The following GYPC variants were observed in gnomAD, a reference collection of about 807,000 sequenced individuals.
GYPC encodes the protein glycophorin-C.
A neutral mutation model predicts 12.6 loss-of-function variants in GYPC; 14 were observed. The observed-to-expected ratio is 1.11, with a 90% confidence interval of 0.74 to 1.74. GYPC has a LOEUF of 1.74. GYPC is among the 40% of genes most tolerant of loss of function. The pLI, the probability that GYPC is intolerant of heterozygous loss-of-function variation, is 0.00. For missense variants in GYPC, 225 were observed against 172.1 expected (o/e 1.31, Z -1.72); for synonymous variants, 78 against 62.1 (o/e 1.26, Z -1.20).
intron 1 of GYPC, among the ~76,000 whole-genome samples, chr2:126,680,679 A>G (rs1683127572): frequency 6.6e-6 from 1 of 152,240 alleles, no homozygotes; most frequent in African/African-American, 2.4e-5. Flanking sequence ...CACATTTCTC[A>G]GTGTGCAATT....
At position 126,659,314 on chromosome 2, in the gene GYPC, C is replaced by T. The variant is rs372321455; in HGVS notation, c.49+3002C>T. Among the ~76,000 whole-genome samples, 100 of 152,276 alleles carry T rather than the reference C, an allele frequency of 6.6e-4. 3 individuals are homozygous for T. The South Asian group carries it at 0.021, about 31-fold the overall frequency. On this transcript the variant is annotated intron_variant, in intron 1 of 3. Transcript: ENST00000259254. ...TCAGCACCCCACCCCCGTGAGGAAA[C>T]GTGCCCCAGAAGTGAAAGGACATGT...
intron 1 of GYPC, among the ~76,000 whole-genome samples, chr2:126,667,987 C>A (rs1176740654): frequency 2.0e-5 from 3 of 152,150 alleles, no homozygotes; most frequent in Non-Finnish European, 2.9e-5. Context: ...CAGAATAAGT[C>A]AAAAAGCTGA....
chr2:126,661,557 A>G (rs892168164), intron 1 of GYPC, among the ~76,000 whole-genome samples: 2 of 151,438 alleles, frequency 1.3e-5, no homozygotes, highest in Non-Finnish European at 2.9e-5. Flanking sequence ...GGTTCATGCA[A>G]TTCTCCTGCC....
chr2:126,660,983 C>T (rs530261977), intron 1 of GYPC, among the ~76,000 whole-genome samples: 3 of 152,210 alleles, frequency 2.0e-5, no homozygotes, highest in African/African-American at 7.2e-5. Context: ...ATAATCGGAA[C>T]TTCTGACAGA....
intron 1 of GYPC, chr2:126,686,594 G>T: frequency 1.0e-6 from 1 of 980,358 alleles, no homozygotes; most frequent in Non-Finnish European, 1.2e-6. Flanking sequence ...GTCTAATGCT[G>T]AGTATAGAGT....
intron 1 of GYPC, among the ~76,000 whole-genome samples, chr2:126,677,496 T>TGG (rs1683032298): frequency 6.9e-6 from 1 of 145,918 alleles, no homozygotes; most frequent in Non-Finnish European, 1.5e-5. Context: ...AGTCTGAGTG[T>TGG]GTGTATGAGA....
At chr2:126,684,615 C>A (rs1332093416) in intron 1 of GYPC, among the ~76,000 whole-genome samples, 1 of 152,214 alleles carries the variant, frequency 6.6e-6, no homozygotes, top group African/African-American at 2.4e-5. Flanking sequence ...TCCCAACTTA[C>A]CCACATGCAT....
intron 1 of GYPC, among the ~76,000 whole-genome samples, chr2:126,689,910 C>A (rs953178977): frequency 2.0e-5 from 3 of 152,236 alleles, no homozygotes; most frequent in African/African-American, 7.2e-5. Flanking sequence ...TTCTTAAACA[C>A]AACAAGAGTC....
rs146069694 is a variant in GYPC, at chr2:126,677,106, CTG to C, written c.50-13137_50-13136del. On this transcript the variant is annotated intron_variant, in intron 1 of 3. Transcript: ENST00000259254. The stretch of plus-strand genomic sequence containing the variant: ...AAGTCTAGGCTTCTGTCCCCTGAGG[CTG>C]TGTGTGTGTGTCAGTGTGTGTGCAT... Among the ~76,000 whole-genome samples the C allele has an allele frequency of 1.2e-3, 188 of 152,054 alleles. 1 individual carries two copies. The highest frequency in any genetic ancestry group is 4.0e-3 in the African/African-American group (164 of 41,506).
chr2:126,686,409 C>A (rs912408802), intron 1 of GYPC: 1 of 985,552 alleles, frequency 1.0e-6, no homozygotes, highest in Non-Finnish European at 1.2e-6. Context: ...CAGCTGACAT[C>A]CTGAGGACAT....
chr2:126,667,458 C>T (rs1034917698), intron 1 of GYPC, among the ~76,000 whole-genome samples: 2 of 147,370 alleles, frequency 1.4e-5, no homozygotes, highest in African/African-American at 5.1e-5. Context: ...GGCTGGGGTG[C>T]AGTGGCATGA....
Position 126,675,269 on chromosome 2 carries a change from A to T in GYPC, c.50-14986A>T, listed in dbSNP as rs994626416. ...CACAATGAACAGAAATCTATTTTGT[A>T]TGTAAATGTAGAATCTGAGACACAT... On this transcript the variant is annotated intron_variant, in intron 1 of 3. Coordinates refer to ENST00000259254, the MANE Select transcript of GYPC (RefSeq NM_002101.5). 2.6e-5 allele frequency among the ~76,000 whole-genome samples: 4 copies of T among 152,234 alleles called. 1 individual carries two copies. The highest frequency in any genetic ancestry group is 6.3e-3 in the Middle Eastern group (2 of 316).
intron 1 of GYPC, among the ~76,000 whole-genome samples, chr2:126,671,932 G>A (rs1429058857): frequency 6.6e-6 from 1 of 152,218 alleles, no homozygotes. Flanking sequence ...CAATGTTTGA[G>A]AAAGCCCTGA....
chr2:126,672,270 C>G (rs1010820940), intron 1 of GYPC, among the ~76,000 whole-genome samples: 12 of 152,158 alleles, frequency 7.9e-5, no homozygotes, highest in South Asian at 4.1e-4. Flanking sequence ...TTAGCCCTAA[C>G]AAGAGACTGA....
At chr2:126,673,121 G>A (rs1017024561) in intron 1 of GYPC, among the ~76,000 whole-genome samples, 1 of 152,004 alleles carries the variant, frequency 6.6e-6, no homozygotes, top group Non-Finnish European at 1.5e-5. Context: ...AACGGTCCAG[G>A]GAGGGCAAGT....
rs183149112 is a variant in GYPC at position 126,662,294 on chromosome 2, A to G, written c.49+5982A>G. Among the ~76,000 whole-genome samples the G allele has an allele frequency of 2.6e-5, 4 of 152,344 alleles. No individual in the cohort carries two copies. The East Asian group carries it at 7.7e-4, about 29-fold the overall frequency. On this transcript the variant is annotated intron_variant, in intron 1 of 3. Transcript: ENST00000259254. Reference sequence around the variant, plus strand: ...TCACCGGGCAACAGGGGCCCATTGGATATGAAATCCACTTTCGCTTGAGAA... The same window carrying G: ...TCACCGGGCAACAGGGGCCCATTGGGTATGAAATCCACTTTCGCTTGAGAA...
Position 126,682,138 on chromosome 2 carries a change from C to T in GYPC, c.50-8117C>T, listed in dbSNP as rs77643313. On this transcript the variant is annotated intron_variant, in intron 1 of 3. Coordinates refer to ENST00000259254, the MANE Select transcript of GYPC (RefSeq NM_002101.5). ...GCAGATGCTGATTGGGATACACGGGCCTTCCTGGCTCCTCAGAACACCTGC... is the reference window on the plus strand; with the variant it reads ...GCAGATGCTGATTGGGATACACGGGTCTTCCTGGCTCCTCAGAACACCTGC... Among the ~76,000 whole-genome samples the T allele has an allele frequency of 5.1e-4, 78 of 152,316 alleles. No homozygotes were observed. In the East Asian group the frequency reaches 0.011, roughly 22 times the overall value.
intron 1 of GYPC, among the ~76,000 whole-genome samples, chr2:126,667,330 A>G (rs1682711502): frequency 6.6e-6 from 1 of 152,182 alleles, no homozygotes. Flanking sequence ...CCCAGCAGTT[A>G]AATATTTGGG....
chr2:126,668,962 G>A (rs1490693497), intron 1 of GYPC, among the ~76,000 whole-genome samples: 1 of 152,196 alleles, frequency 6.6e-6, no homozygotes, highest in Non-Finnish European at 1.5e-5. Flanking sequence ...GACTTACTGC[G>A]ATTAGTTGCT....
Sources: gnomAD v4.1 joint callset for allele counts (sites outside exome capture counted in the v4.1 genomes callset) on GRCh38, gnomAD v4.1.1 for gene constraint, MANE v1.5 for transcripts, NCBI Gene and HGNC (gene_info 2026-07-23, HGNC 2026-07-21) for gene names.